Variants in MYL2 observed in about 807,000 individuals in gnomAD.
MYL2 encodes myosin light chain 2.
In MYL2, 19 loss-of-function variants were observed where a neutral mutation model predicts 23.0. The observed-to-expected ratio is 0.83, with a 90% CI of 0.58 to 1.21. MYL2 has a LOEUF of 1.21. Ranked by LOEUF, MYL2 falls within the 50% of genes most tolerant of loss-of-function variation. MYL2 has a pLI of 0.00. For synonymous variants in MYL2, 78 were observed against 76.2 expected (o/e 1.02, Z -0.13); for missense variants, 180 against 215.1 (o/e 0.84, Z 1.02).
rs758324068 is a variant in MYL2 at position 110,914,368 on chromosome 12, A to T, written c.170-78T>A. The T allele has an allele frequency of 3.1e-6, 3 of 974,602 alleles. No individual in the cohort carries two copies. The South Asian group carries it at 3.9e-5, about 13-fold the overall frequency. 60.4% of individuals were successfully genotyped at this position (974,602 alleles called of 1,614,324 possible). A position where few individuals can be genotyped will look rare whatever the true frequency, so the allele number is the denominator to read the frequency against. On this transcript the variant is annotated intron_variant, in intron 3 of 6. Transcript: ENST00000228841. ...TATGACACTGCCATTGGCTCCTGGG[A>T]TTCCACTTCAAGAAATCTAGTCTAG...
chr12:110,917,322 C>A (rs2071693487), intron 2 of MYL2, among the ~76,000 whole-genome samples: 1 of 152,010 alleles, frequency 6.6e-6, no homozygotes, highest in African/African-American at 2.4e-5. Flanking sequence ...AGGCCAGGTG[C>A]AGTGGCTCAC....
In MYL2 at chr12:110,919,162, C is replaced by A. The variant is rs762584624; in HGVS notation, c.35G>T (p.Gly12Val). 3 of 1,613,726 alleles carry A rather than the reference C, an allele frequency of 1.9e-6. No homozygotes were observed. Among genetic ancestry groups the A allele is most frequent in the South Asian group, 1.1e-5 (1 of 91,048 alleles). ...APKKAKKRAGGANSNVFSMFE... is the reference protein window; with the variant it reads ...APKKAKKRAGVANSNVFSMFE... ...CATGGAGAACACGTTGGAGTTGGCG[C>A]CCCCGGCTCTCTTCTTTGCTTTCTT... is the stretch of plus-strand genomic sequence containing the variant. Residue 12 changes from glycine (G) to valine (V), a missense_variant, in exon 2 of 7, where the codon GGC becomes GTC. Gly to Val is a moderately radical substitution (Grantham distance 109). Transcript: ENST00000228841.
chr12:110,911,150 G>T lies in MYL2; in HGVS notation c.428C>A (p.Pro143His). The T allele has an allele frequency of 6.2e-7, 1 of 1,613,758 alleles. No individual in the cohort carries two copies. The highest frequency in any genetic ancestry group is 8.5e-7 in the Non-Finnish European group (1 of 1,179,958). Reference protein sequence around the residue: ...EEVDQMFAAFPPDVTGNLDYK... With the variant: ...EEVDQMFAAFHPDVTGNLDYK... ...GTCCAAGTTGCCAGTCACGTCAGGG[G>T]GGAAGGCGGCGAACATCTGGTCAAC... Residue 143 changes from proline to histidine, a missense_variant, in exon 7 of 7, where the codon CCC (proline) becomes CAC (histidine). Coordinates refer to ENST00000228841, the MANE Select transcript of MYL2 (RefSeq NM_000432.4).
intron 2 of MYL2, among the ~76,000 whole-genome samples, chr12:110,917,029 A>G (rs2071692069): frequency 6.6e-6 from 1 of 151,808 alleles, no homozygotes; most frequent in South Asian, 2.1e-4. Context: ...TTTCTTTAGT[A>G]GAGTCAGGGT....
rs759261779 is a variant in MYL2 at position 110,913,323 on chromosome 12, T to C, written c.276A>G (p.Gly92=). 1 of 1,614,152 alleles carries C rather than the reference T, an allele frequency of 6.2e-7. No homozygotes were observed. The highest frequency in any genetic ancestry group is 8.5e-7 in the Non-Finnish European group (1 of 1,180,012). Residue 92 remains glycine (G), a splice_region_variant and synonymous_variant, in exon 5 of 7, where the codon GGA becomes GGG. Coordinates refer to ENST00000228841, the MANE Select transcript of MYL2 (RefSeq NM_000432.4). The part of the protein sequence containing the change: ...FLTMFGEKLK[G]ADPEETILNA... ...TGAGAATGGTTTCCTCAGGGTCCGC[T>C]CCTGAAACGGAACACAGGGCTTACA... is the stretch of plus-strand genomic sequence containing the variant.
upstream of MYL2, chr12:110,920,869 A>G (rs756724401): frequency 5.9e-5 from 28 of 478,506 alleles, no homozygotes; most frequent in Admixed American, 1.7e-4. Context: ...TTGAGAAAAA[A>G]AATGGCAGGG....
At chr12:110,917,701 G>A (rs2071696301) in intron 2 of MYL2, among the ~76,000 whole-genome samples, 1 of 152,198 alleles carries the variant, frequency 6.6e-6, no homozygotes, top group South Asian at 2.1e-4. Context: ...ATGGGACACG[G>A]CATTCCTGCA....
At chr12:110,912,968 T>G in intron 6 of MYL2, 128 bp downstream of exon 6, 1 of 1,081,838 alleles carries the variant, frequency 9.2e-7, no homozygotes, top group Non-Finnish European at 1.4e-6. Context: ...AGGCCAGGCC[T>G]CAGAAGACGA....
rs764791110 is a variant in MYL2 at position 110,915,731 on chromosome 12, G to A, written c.153C>T (p.Asp51=). ...GTGACATACCAAGGGCAGCAAAGGT[G>A]TCTCTCAGATCGTTCTTGTCAATGA... ...DGFIDKNDLR[D]TFAALGRVNV... Residue 51 remains aspartate, a synonymous_variant, in exon 3 of 7, where the codon GAC becomes GAT. Coordinates refer to ENST00000228841, the MANE Select transcript of MYL2 (RefSeq NM_000432.4). 3.7e-6 allele frequency: 6 copies of A among 1,614,032 alleles called. No individual in the cohort carries two copies. The highest frequency in any genetic ancestry group is 1.7e-6 in the Non-Finnish European group (2 of 1,180,000).
chr12:110,913,321 G>A lies in MYL2; in HGVS notation c.278C>T (p.Ala93Val), dbSNP rs774193307. The change falls in exon 5 of 7, where the codon GCG becomes GTG. Residue 93 changes from alanine (A) to valine (V), a missense_variant. Physicochemically the swap from Ala to Val is moderately conservative, Grantham distance 64 (BLOSUM62 0). Transcript: ENST00000228841. ...LTMFGEKLKG[A>V]DPEETILNAF... ...GTTGAGAATGGTTTCCTCAGGGTCCGCTCCTGAAACGGAACACAGGGCTTA... is the reference window on the plus strand; with the variant it reads ...GTTGAGAATGGTTTCCTCAGGGTCCACTCCTGAAACGGAACACAGGGCTTA... 2 of 1,614,168 alleles carry A rather than the reference G, an allele frequency of 1.2e-6. No homozygotes were observed. The highest frequency in any genetic ancestry group is 8.5e-7 in the Non-Finnish European group (1 of 1,180,014).
At position 110,910,920 on chromosome 12, in the gene MYL2, C is replaced by T. The variant is rs1592798256; in HGVS notation, c.*157G>A. The T allele has an allele frequency of 1.4e-6, 1 of 720,738 alleles. No homozygotes were observed. The highest frequency in any genetic ancestry group is 2.5e-6 in the Non-Finnish European group (1 of 403,220). The allele number at this position is 720,738 out of a possible 1,614,324, so 44.6% of individuals were successfully genotyped here. ...GTAGGATGTGCGGCCACGAAGTACC[C>T]ATAGCCACCCAGGCTGCAAAGAAGA... On this transcript the variant is annotated 3_prime_UTR_variant, in exon 7 of 7. Transcript: ENST00000228841.
At chr12:110,912,969 C>A (rs772538252) in intron 6 of MYL2, 127 bp downstream of exon 6, 2 of 1,089,620 alleles carry the variant, frequency 1.8e-6, no homozygotes, top group South Asian at 2.5e-5. Flanking sequence ...GGCCAGGCCT[C>A]AGAAGACGAT....
intron 2 of MYL2, among the ~76,000 whole-genome samples, chr12:110,916,195 G>T (rs1167999391): frequency 6.6e-6 from 1 of 152,150 alleles, no homozygotes; most frequent in Admixed American, 6.5e-5. Flanking sequence ...AATTAGCCAG[G>T]CGTGGTGGCG....
chr12:110,912,361 A>C (rs1236693516), intron 6 of MYL2, among the ~76,000 whole-genome samples: 3 of 152,336 alleles, frequency 2.0e-5, no homozygotes, highest in South Asian at 2.1e-4. Flanking sequence ...TGCAACAAAT[A>C]CACAGTCTGA....
At chr12:110,921,222 G>C (rs1430149465), upstream of MYL2, among the ~76,000 whole-genome samples, 1 of 152,140 alleles carries the variant, frequency 6.6e-6, no homozygotes, top group African/African-American at 2.4e-5. Flanking sequence ...ATAGCTGTGC[G>C]TGGTGGTGCA....
At position 110,914,088 on chromosome 12, in the gene MYL2, G is replaced by A. The variant is rs1310512792; in HGVS notation, c.274+98C>T. On this transcript the variant is annotated intron_variant, in intron 4 of 6. Transcript: ENST00000228841. The stretch of plus-strand genomic sequence containing the variant: ...GCTGTTTTCATTATTTTTTTCCAAT[G>A]GTGCTTTATCTCTTTTAAAGTTAAC... The A allele has an allele frequency of 1.1e-5, 11 of 964,592 alleles. No homozygotes were observed. In the East Asian group the frequency reaches 2.0e-4, roughly 17 times the overall value. The allele number at this position is 964,592 out of a possible 1,614,324, so 59.8% of individuals were successfully genotyped here. A position where few individuals can be genotyped will look rare whatever the true frequency, so the allele number is the denominator to read the frequency against.
At chr12:110,916,021 T>G (rs972380364) in intron 2 of MYL2, among the ~76,000 whole-genome samples, 3 of 152,156 alleles carry the variant, frequency 2.0e-5, no homozygotes, top group African/African-American at 4.8e-5. Context: ...CCAAGAGAAT[T>G]GAAAACATGT....
At chr12:110,911,208 A>T (rs1178873755) in intron 6 of MYL2, 33 bp from the exon 7 acceptor site, 11 of 546,654 alleles carry the variant, frequency 2.0e-5, no homozygotes, top group South Asian at 4.9e-5. Context: ...GCTAAGGACG[A>T]GGGGAGGGGA....
intron 6 of MYL2, among the ~76,000 whole-genome samples, chr12:110,912,282 C>A (rs1215782053): frequency 6.6e-6 from 1 of 152,032 alleles, no homozygotes; most frequent in Non-Finnish European, 1.5e-5. Flanking sequence ...AAACTCACTA[C>A]CGCACCACCT....
Sources: allele counts gnomAD v4.1 joint callset (sites outside exome capture counted in the v4.1 genomes callset), GRCh38; gene constraint gnomAD v4.1.1; transcripts MANE v1.5; gene names NCBI Gene and HGNC (gene_info 2026-07-23, HGNC 2026-07-21).